FBXL2: variants seen among roughly 807,000 people sequenced by gnomAD.
FBXL2 encodes the protein F-box/LRR-repeat protein 2.
In FBXL2, 38 loss-of-function variants were observed where a neutral mutation model predicts 69.2. The observed-to-expected ratio is 0.55, with a 90% CI of 0.42 to 0.72. The LOEUF is 0.72. Ranked by LOEUF, FBXL2 falls within the 30% of genes least tolerant of loss-of-function variation. FBXL2 has a pLI of 0.00. For missense variants in FBXL2, 354 were observed against 520.3 expected, an observed-to-expected ratio of 0.68 and a Z score of 3.11; for synonymous variants, 192 against 201.3, an observed-to-expected ratio of 0.95 and a Z score of 0.39.
In FBXL2 at chr3:33,373,565, C is replaced by T. The variant is rs1220335540; in HGVS notation, c.456-13C>T. The T allele has an allele frequency of 5.6e-6, 9 of 1,613,972 alleles. No individual in the cohort carries two copies. Among genetic ancestry groups the T allele is most frequent in the African/African-American group, 5.3e-5 (4 of 74,926 alleles). On this transcript the variant is annotated splice_polypyrimidine_tract_variant and intron_variant, in intron 7 of 14. Coordinates refer to ENST00000484457, the MANE Select transcript of FBXL2 (RefSeq NM_012157.5). Reference sequence around the variant, plus strand: ...AGAGACTGCACATAAGTTTTTGTTTCTTGTTCTCTCAGTGAGGGCTGCCGA... The same window carrying T: ...AGAGACTGCACATAAGTTTTTGTTTTTTGTTCTCTCAGTGAGGGCTGCCGA...
intron 2 of FBXL2, among the ~76,000 whole-genome samples, chr3:33,354,952 A>G (rs891520876): frequency 2.0e-5 from 3 of 152,320 alleles, no homozygotes; most frequent in Middle Eastern, 3.4e-3. Context: ...CATTTAAAAT[A>G]TTCCTTTTTT....
downstream of FBXL2, among the ~76,000 whole-genome samples, chr3:33,407,378 A>T (rs1477213264): frequency 1.3e-5 from 2 of 152,182 alleles, no homozygotes; most frequent in Non-Finnish European, 2.9e-5. Context: ...AATGGTTTAT[A>T]ACAGGAGAGG....
In FBXL2 at chr3:33,384,197, T is replaced by C; in HGVS notation, c.1160T>C (p.Met387Thr). 6.2e-7 allele frequency: 1 copy of C among 1,613,796 alleles called. No homozygotes were observed. The highest frequency in any genetic ancestry group is 8.5e-7 in the Non-Finnish European group (1 of 1,179,958). The change falls in exon 14 of 15, where the codon ATG becomes ACG. Residue 387 changes from methionine (M) to threonine (T), a missense_variant. Transcript: ENST00000484457. ...GTTACCCGTGCAGGCATCAAGCGGA[T>C]GCGGGTAGGTATGGGGCAGGGGAGT... ...QQVTRAGIKRMRAQLPHVKVH... is the reference protein window; with the variant it reads ...QQVTRAGIKRTRAQLPHVKVH...
chr3:33,405,809 G>A (rs1441197566), downstream of FBXL2, among the ~76,000 whole-genome samples: 2 of 152,068 alleles, frequency 1.3e-5, no homozygotes, highest in South Asian at 2.1e-4. Context: ...AAGACCACTG[G>A]TGTAATGGAG....
chr3:33,338,899 T>A (rs895941270), intron 2 of FBXL2, among the ~76,000 whole-genome samples: 1 of 152,084 alleles, frequency 6.6e-6, no homozygotes, highest in Non-Finnish European at 1.5e-5. Context: ...CCAAAAGCAA[T>A]TGCAGCAAAA....
In FBXL2 at chr3:33,277,533, GT is replaced by G. The variant is rs981803251; in HGVS notation, c.3+19del. 3 of 1,292,496 alleles carry G rather than the reference GT, an allele frequency of 2.3e-6. No individual in the cohort carries two copies. The highest frequency in any genetic ancestry group is 3.0e-6 in the Non-Finnish European group (3 of 1,012,160). The allele number at this position is 1,292,496 out of a possible 1,614,324, so 80.1% of individuals were successfully genotyped here. Reference sequence around the variant, plus strand: ...CGGCCATGGTGAGTCTGGGACCCGCGTCTGCCTAGCTGCCCCGCCCTACCCC... The same window carrying G: ...CGGCCATGGTGAGTCTGGGACCCGCGCTGCCTAGCTGCCCCGCCCTACCCC... On this transcript the variant is annotated intron_variant, in intron 1 of 14. Coordinates refer to ENST00000484457, the MANE Select transcript of FBXL2 (RefSeq NM_012157.5).
intron 1 of FBXL2, among the ~76,000 whole-genome samples, chr3:33,293,813 A>G (rs868164515): frequency 1.3e-5 from 2 of 152,158 alleles, no homozygotes; most frequent in Admixed American, 1.3e-4. Flanking sequence ...TCAATAATAG[A>G]ACATTTAGAC....
downstream of FBXL2, among the ~76,000 whole-genome samples, chr3:33,406,173 G>A (rs776913437): frequency 3.9e-5 from 6 of 152,174 alleles, no homozygotes; most frequent in Admixed American, 6.5e-5. Context: ...CAACTACTCA[G>A]AAGTCTGAGG....
chr3:33,291,608 G>A (rs181693379), intron 1 of FBXL2, among the ~76,000 whole-genome samples: 330 of 152,066 alleles, frequency 2.2e-3, no homozygotes, highest in Non-Finnish European at 3.5e-3. Flanking sequence ...CAACAAGCAG[G>A]GGAAGTCAAG....
At chr3:33,391,446 CTT>C (rs2154054137), downstream of FBXL2, 2 of 152,308 alleles carry the variant, frequency 1.3e-5, no homozygotes, top group East Asian at 3.9e-4. Flanking sequence ...ACTTCTACAG[CTT>C]TGAGTCACTG....
In FBXL2 at chr3:33,320,769, A is replaced by C. The variant is rs571742315; in HGVS notation, c.65+23044A>C. 5.3e-5 allele frequency among the ~76,000 whole-genome samples: 8 copies of C among 152,104 alleles called. No individual in the cohort carries two copies. The South Asian group carries it at 1.7e-3, about 32-fold the overall frequency. On this transcript the variant is annotated intron_variant, in intron 2 of 14. Transcript: ENST00000484457. ...GCTGGGATTACAGGCGTGAGCCACC[A>C]CACCTAGCCAGGAAAGTATTTCTAA...
intron 2 of FBXL2, among the ~76,000 whole-genome samples, chr3:33,308,782 G>A (rs1216866523): frequency 6.6e-6 from 1 of 151,984 alleles, no homozygotes; most frequent in Non-Finnish European, 1.5e-5. Flanking sequence ...TAAAGTTTTG[G>A]TATGTTGTGT....
intron 1 of FBXL2, among the ~76,000 whole-genome samples, chr3:33,281,068 A>G (rs1371237131): frequency 1.3e-5 from 2 of 152,118 alleles, no homozygotes; most frequent in Non-Finnish European, 2.9e-5. Flanking sequence ...TTTTAATTAT[A>G]CTTTAAGTTC....
intron 1 of FBXL2, among the ~76,000 whole-genome samples, chr3:33,279,294 G>C (rs1015547881): frequency 6.7e-6 from 1 of 150,360 alleles, no homozygotes; most frequent in African/African-American, 2.5e-5. Context: ...TTTTTGAGAC[G>C]GAGTCTCGCT....
chr3:33,375,718 GCA>G (rs1262896072), intron 10 of FBXL2, among the ~76,000 whole-genome samples: 2 of 152,172 alleles, frequency 1.3e-5, no homozygotes, highest in African/African-American at 4.8e-5. Context: ...ACCCGAGTGA[GCA>G]CATAGTGAGG....
At chr3:33,314,346 G>A (rs2037482639) in intron 2 of FBXL2, among the ~76,000 whole-genome samples, 1 of 152,028 alleles carries the variant, frequency 6.6e-6, no homozygotes, top group South Asian at 2.1e-4. Context: ...CCAGCCCCTA[G>A]CAACCACTGT....
At chr3:33,368,339 C>G (rs1208373783) in intron 5 of FBXL2, among the ~76,000 whole-genome samples, 1 of 152,240 alleles carries the variant, frequency 6.6e-6, no homozygotes, top group Non-Finnish European at 1.5e-5. Context: ...TTTCTCCTCA[C>G]AGTCCTATCA....
intron 2 of FBXL2, among the ~76,000 whole-genome samples, chr3:33,300,863 A>T (rs772521444): frequency 4.2e-5 from 6 of 142,976 alleles, no homozygotes; most frequent in East Asian, 2.1e-4. Flanking sequence ...TGCCCGCCAC[A>T]ACGCCCAGCT....
intron 2 of FBXL2, among the ~76,000 whole-genome samples, chr3:33,323,328 T>C (rs2038392877): frequency 6.6e-6 from 1 of 152,228 alleles, no homozygotes; most frequent in South Asian, 2.1e-4. Context: ...TTTATTATTA[T>C]ACTTTAAGTT....
Sources: gnomAD v4.1 joint callset for allele counts (sites outside exome capture counted in the v4.1 genomes callset) on GRCh38, gnomAD v4.1.1 for gene constraint, MANE v1.5 for transcripts, NCBI Gene and HGNC (gene_info 2026-07-23, HGNC 2026-07-21) for gene names.